The following SNTG2 variants were observed in gnomAD, a reference collection of about 807,000 sequenced individuals.
The protein encoded by SNTG2 is gamma-2-syntrophin.
A neutral mutation model predicts 70.9 loss-of-function variants in SNTG2; 74 were observed. That is an observed-to-expected ratio of 1.04 (90% CI 0.86 to 1.27). SNTG2 has a LOEUF of 1.27. Ranked by LOEUF, SNTG2 falls within the 50% of genes most tolerant of loss-of-function variation. The pLI, the probability that SNTG2 is intolerant of heterozygous loss-of-function variation, is 0.00. For synonymous variants in SNTG2, 278 were observed against 273.8 expected (o/e 1.02, Z -0.15); for missense variants, 717 against 690.7 (o/e 1.04, Z -0.43).
chr2:1,201,271 T>C (rs1327313792), intron 8 of SNTG2, among the ~76,000 whole-genome samples: 1 of 152,024 alleles, frequency 6.6e-6, no homozygotes, highest in Non-Finnish European at 1.5e-5. Context: ...GAGGTCATTA[T>C]ACTAAGTGAA....
chr2:1,047,157 T>A (rs899855492), intron 1 of SNTG2, among the ~76,000 whole-genome samples: 5 of 152,192 alleles, frequency 3.3e-5, no homozygotes, highest in African/African-American at 1.2e-4. Context: ...TACTCCTGAT[T>A]GTGTTATGAA....
intron 1 of SNTG2, among the ~76,000 whole-genome samples, chr2:1,025,261 C>T (rs752128604): frequency 8.6e-5 from 13 of 152,040 alleles, no homozygotes; most frequent in South Asian, 2.1e-4. Context: ...AACAAGGGCC[C>T]GGTTGGTAAA....
intron 1 of SNTG2, among the ~76,000 whole-genome samples, chr2:998,117 C>G (rs1249369237): frequency 6.6e-6 from 1 of 152,126 alleles, no homozygotes; most frequent in Non-Finnish European, 1.5e-5. Context: ...TGACTCTACA[C>G]AACATACATT....
chr2:1,336,646 A>C (rs887619737), intron 16 of SNTG2, among the ~76,000 whole-genome samples: 7 of 152,174 alleles, frequency 4.6e-5, no homozygotes, highest in Non-Finnish European at 1.0e-4. Flanking sequence ...TATGGTGTGA[A>C]ATAAATATCT....
intron 4 of SNTG2, among the ~76,000 whole-genome samples, chr2:1,115,596 C>T (rs1406796916): frequency 6.6e-6 from 1 of 151,534 alleles, no homozygotes; most frequent in Non-Finnish European, 1.5e-5. Flanking sequence ...TTGTCCCTTA[C>T]TGTCCTTTGA....
intron 16 of SNTG2, among the ~76,000 whole-genome samples, chr2:1,351,558 G>A (rs866302407): frequency 6.6e-6 from 1 of 152,010 alleles, no homozygotes; most frequent in African/African-American, 2.4e-5. Flanking sequence ...GAAGAAAGAG[G>A]GCACTTGACC....
intron 16 of SNTG2, among the ~76,000 whole-genome samples, chr2:1,363,730 G>C (rs780166809): frequency 2.0e-5 from 3 of 152,186 alleles, no homozygotes; most frequent in Non-Finnish European, 4.4e-5. Context: ...AGCCTTGCTG[G>C]TAATACTTGG....
At chr2:1,169,284 C>G (rs76527774) in intron 7 of SNTG2, among the ~76,000 whole-genome samples, 1 of 151,960 alleles carries the variant, frequency 6.6e-6, no homozygotes, top group African/African-American at 2.4e-5. Flanking sequence ...GGGGTGCTTT[C>G]GGATGTTGCT....
intron 15 of SNTG2, among the ~76,000 whole-genome samples, chr2:1,310,343 C>T (rs1382555328): frequency 1.3e-5 from 2 of 152,204 alleles, no homozygotes; most frequent in East Asian, 3.9e-4. Flanking sequence ...ACAGGCCCTT[C>T]CCAGCCAGCG....
chr2:1,071,247 A>G (rs887168144), intron 1 of SNTG2, among the ~76,000 whole-genome samples: 1 of 151,510 alleles, frequency 6.6e-6, no homozygotes, highest in Non-Finnish European at 1.5e-5. Context: ...ACTTGGAACC[A>G]ACCCAAATGT....
At chr2:1,162,007 G>C (rs1363318035) in intron 6 of SNTG2, among the ~76,000 whole-genome samples, 1 of 147,294 alleles carries the variant, frequency 6.8e-6, no homozygotes, top group Non-Finnish European at 1.5e-5. Context: ...CCGGGAGGCG[G>C]AGCTTGCAGT....
chr2:1,056,019 GGC>G (rs1374100378), intron 1 of SNTG2, among the ~76,000 whole-genome samples: 4 of 152,008 alleles, frequency 2.6e-5, no homozygotes, highest in African/African-American at 9.6e-5. Context: ...TCTCTCAGAC[GGC>G]TCCTTGTCCC....
intron 6 of SNTG2, among the ~76,000 whole-genome samples, chr2:1,150,935 A>G (rs1669442970): frequency 6.6e-6 from 1 of 152,038 alleles, no homozygotes; most frequent in African/African-American, 2.4e-5. Flanking sequence ...CTCCAACCCC[A>G]CAGAGCCTCA....
intron 9 of SNTG2, among the ~76,000 whole-genome samples, chr2:1,218,283 A>G (rs777183341): frequency 6.6e-6 from 1 of 152,162 alleles, no homozygotes; most frequent in Non-Finnish European, 1.5e-5. Flanking sequence ...TGAGACGTTG[A>G]TTGCATTTGC....
At chr2:1,064,924 CA>C in intron 1 of SNTG2, among the ~76,000 whole-genome samples, 1 of 152,214 alleles carries the variant, frequency 6.6e-6, no homozygotes, top group African/African-American at 2.4e-5. Flanking sequence ...ACACATTTAA[CA>C]AAAAGAATGA....
chr2:1,209,575 G>A (rs1673901219), intron 9 of SNTG2, among the ~76,000 whole-genome samples: 1 of 152,178 alleles, frequency 6.6e-6, no homozygotes, highest in African/African-American at 2.4e-5. Flanking sequence ...CCAAGTCTCA[G>A]ATGTTTTTAG....
chr2:1,172,814 T>C (rs1416156439), intron 7 of SNTG2, among the ~76,000 whole-genome samples: 1 of 152,116 alleles, frequency 6.6e-6, no homozygotes, highest in East Asian at 1.9e-4. Flanking sequence ...CCTGAGCTGC[T>C]GGGGGCACAC....
chr2:1,038,846 A>C (rs1661275709), intron 1 of SNTG2, among the ~76,000 whole-genome samples: 1 of 152,220 alleles, frequency 6.6e-6, no homozygotes, highest in Non-Finnish European at 1.5e-5. Flanking sequence ...CTAATGAACT[A>C]TGTGGCACAT....
chr2:1,201,637 T>C (rs1673283794), intron 8 of SNTG2, among the ~76,000 whole-genome samples: 1 of 151,856 alleles, frequency 6.6e-6, no homozygotes, highest in Non-Finnish European at 1.5e-5. Context: ...CCCAACACAA[T>C]GAAATGATAA....
Sources: allele counts gnomAD v4.1 joint callset (sites outside exome capture counted in the v4.1 genomes callset), GRCh38; gene constraint gnomAD v4.1.1; transcripts MANE v1.5; gene names NCBI Gene and HGNC (gene_info 2026-07-23, HGNC 2026-07-21).